The following MARCHF3 variants were observed in gnomAD, a reference collection of about 807,000 sequenced individuals.
MARCHF3 encodes membrane associated ring-CH-type finger 3.
In MARCHF3, 13 loss-of-function variants were observed where a neutral mutation model predicts 24.2. The observed-to-expected ratio is 0.54, with a 90% CI of 0.35 to 0.85. The LOEUF (loss-of-function observed/expected upper bound fraction) is 0.85. Among genes scored for constraint, MARCHF3 ranks in the 40% least tolerant of loss-of-function variants. The pLI is 0.01. For synonymous variants in MARCHF3, 144 were observed against 137.3 expected (o/e 1.05, Z -0.34); for missense variants, 276 against 325.0 (o/e 0.85, Z 1.16).
chr5:126,878,788 A>C (rs1336917066), intron 3 of MARCHF3, among the ~76,000 whole-genome samples: 1 of 152,168 alleles, frequency 6.6e-6, no homozygotes, highest in African/African-American at 2.4e-5. Context: ...TATGTGCTGG[A>C]AACGGTTGAG....
At chr5:126,910,295 C>T (rs1754471507) in intron 3 of MARCHF3, among the ~76,000 whole-genome samples, 1 of 152,200 alleles carries the variant, frequency 6.6e-6, no homozygotes, top group African/African-American at 2.4e-5. Context: ...AATATTCCAT[C>T]ACTAGAAACT....
chr5:126,946,338 C>CT (rs1750008080), intron 1 of MARCHF3: 1 of 140,752 alleles, frequency 7.1e-6, no homozygotes, highest in Non-Finnish European at 1.5e-5. Flanking sequence ...TGTCACTGTA[C>CT]TCCAGCCTGG....
chr5:126,903,644 T>C (rs1490500843), intron 3 of MARCHF3, among the ~76,000 whole-genome samples: 2 of 150,736 alleles, frequency 1.3e-5, no homozygotes, highest in Non-Finnish European at 2.9e-5. Flanking sequence ...TGTATATATA[T>C]ATAAAATCTC....
chr5:126,966,535 T>C (rs927704309), intron 1 of MARCHF3, among the ~76,000 whole-genome samples: 13 of 151,852 alleles, frequency 8.6e-5, no homozygotes, highest in Middle Eastern at 3.4e-3. Context: ...AAATGTCAAG[T>C]GGAAAAATTA....
At chr5:126,947,120 G>C (rs914829819) in intron 1 of MARCHF3, among the ~76,000 whole-genome samples, 4 of 152,032 alleles carry the variant, frequency 2.6e-5, no homozygotes, top group Non-Finnish European at 5.9e-5. Context: ...GTCAGTGTTT[G>C]GCAGAAAAAA....
intron 3 of MARCHF3, among the ~76,000 whole-genome samples, chr5:126,909,280 T>C (rs963045352): frequency 6.6e-6 from 1 of 152,268 alleles, no homozygotes; most frequent in Non-Finnish European, 1.5e-5. Context: ...TTTGTTTGTC[T>C]GTGCCCTGCA....
intron 3 of MARCHF3, among the ~76,000 whole-genome samples, chr5:126,894,428 G>C (rs377109902): frequency 6.6e-6 from 1 of 151,362 alleles, no homozygotes; most frequent in Non-Finnish European, 1.5e-5. Flanking sequence ...GCTGGTACCG[G>C]TTGTTCCTTT....
At chr5:126,959,065 A>C (rs1218911350) in intron 1 of MARCHF3, among the ~76,000 whole-genome samples, 1 of 152,228 alleles carries the variant, frequency 6.6e-6, no homozygotes, top group South Asian at 2.1e-4. Flanking sequence ...AACACTGACC[A>C]TAAGGAAGTG....
chr5:126,996,571 G>A (rs548263473), intron 1 of MARCHF3, among the ~76,000 whole-genome samples: 95 of 152,052 alleles, frequency 6.2e-4, no homozygotes, highest in African/African-American at 2.2e-3. Flanking sequence ...AGGGCACACT[G>A]GTGGCAGGCT....
intron 1 of MARCHF3, among the ~76,000 whole-genome samples, chr5:126,986,187 G>T (rs1751559777): frequency 6.6e-6 from 1 of 152,178 alleles, no homozygotes; most frequent in African/African-American, 2.4e-5. Context: ...TAAGGAAAAT[G>T]ACCTCAGGCA....
intron 1 of MARCHF3, among the ~76,000 whole-genome samples, chr5:126,983,355 A>C (rs1751453707): frequency 1.3e-5 from 2 of 152,172 alleles, no homozygotes; most frequent in Admixed American, 1.3e-4. Flanking sequence ...AGGGGACAGG[A>C]ACTAGCCCTC....
intron 1 of MARCHF3, among the ~76,000 whole-genome samples, chr5:126,975,082 GAGT>G (rs1751149001): frequency 6.6e-6 from 1 of 152,072 alleles, no homozygotes; most frequent in Non-Finnish European, 1.5e-5. Context: ...TCAGCCTCCC[GAGT>G]AGCTGGGACT....
rs150958968 is a variant in MARCHF3 at position 126,970,951 on chromosome 5, A to T, written c.-56-52724T>A. 1.5e-4 allele frequency among the ~76,000 whole-genome samples: 23 copies of T among 152,344 alleles called. 1 individual carries two copies. The South Asian group carries it at 4.3e-3, about 29-fold the overall frequency. On this transcript the variant is annotated intron_variant, in intron 1 of 4. Coordinates refer to ENST00000308660, the MANE Select transcript of MARCHF3 (RefSeq NM_178450.5). ...GAGAGTTCAGTCTTGCTGATGTCAC[A>T]TGAAGCAGAATGAGGACTCTGCTTG...
chr5:126,942,296 CCAAA>C (rs911885176), intron 1 of MARCHF3, among the ~76,000 whole-genome samples: 30 of 152,224 alleles, frequency 2.0e-4, no homozygotes, highest in African/African-American at 5.3e-4. Context: ...GCTTGGCAGA[CCAAA>C]CAGTCTGTCA....
At chr5:126,903,889 T>C (rs903562356) in intron 3 of MARCHF3, among the ~76,000 whole-genome samples, 2 of 152,022 alleles carry the variant, frequency 1.3e-5, no homozygotes, top group East Asian at 1.9e-4. Context: ...TGTATACATG[T>C]GCCATGCTGG....
chr5:126,973,003 T>C (rs1299235169), intron 1 of MARCHF3, among the ~76,000 whole-genome samples: 1 of 152,256 alleles, frequency 6.6e-6, no homozygotes, highest in Non-Finnish European at 1.5e-5. Context: ...TTTGCCTTTG[T>C]TCGTAGTCTC....
chr5:126,947,931 T>C (rs1043515331), intron 1 of MARCHF3, among the ~76,000 whole-genome samples: 2 of 152,138 alleles, frequency 1.3e-5, no homozygotes, highest in African/African-American at 2.4e-5. Context: ...CCATGACAAC[T>C]GTACTTGGTC....
intron 1 of MARCHF3, among the ~76,000 whole-genome samples, chr5:126,927,575 G>T (rs566133689): frequency 4.3e-4 from 66 of 152,320 alleles, no homozygotes; most frequent in African/African-American, 1.5e-3. Context: ...TCTTGGTACA[G>T]AGTGGCCTCT....
rs1047745819 is a variant in MARCHF3, at chr5:126,881,008, G to A, written c.394-2614C>T. Among the ~76,000 whole-genome samples, 5 of 152,132 alleles carry A rather than the reference G, an allele frequency of 3.3e-5. No individual in the cohort carries two copies. The East Asian group carries it at 9.6e-4, about 29-fold the overall frequency. On this transcript the variant is annotated intron_variant, in intron 3 of 4. Transcript: ENST00000308660. ...TGACATTACCCTATGAAATGACTTA[G>A]ATATGGAAGGAGGGGAGGAGGTAAT...
Sources: gnomAD v4.1 joint callset for allele counts (sites outside exome capture counted in the v4.1 genomes callset) on GRCh38, gnomAD v4.1.1 for gene constraint, MANE v1.5 for transcripts, NCBI Gene and HGNC (gene_info 2026-07-23, HGNC 2026-07-21) for gene names.